The following HUNK variants were observed in gnomAD, a reference collection of about 807,000 sequenced individuals.
HUNK encodes the protein hormonally up-regulated Neu-associated kinase.
Under a neutral mutation model 61.0 loss-of-function variants are expected in HUNK, and 21 were observed. The ratio of observed to expected loss-of-function variants is 0.34; its 90% CI spans 0.24 to 0.50. HUNK has a LOEUF of 0.50. HUNK is among the 20% of genes least tolerant of loss of function. The probability of loss-of-function intolerance (pLI) is 0.98; values close to 1 mark genes in which losing one functional copy is unlikely to be tolerated. For missense variants in HUNK, 772 were observed against 945.7 expected, an observed-to-expected ratio of 0.82 and a Z score of 2.41; for synonymous variants, 371 against 386.1, an observed-to-expected ratio of 0.96 and a Z score of 0.46.
intron 1 of HUNK, among the ~76,000 whole-genome samples, chr21:31,900,597 A>C (rs2052459410): frequency 6.6e-6 from 1 of 152,116 alleles, no homozygotes; most frequent in Non-Finnish European, 1.5e-5. Context: ...TCATGGTCCA[A>C]AGGTCTCCTC....
Position 32,001,524 on chromosome 21 carries a change from G to C in HUNK, c.*2340G>C, listed in dbSNP as rs2053245874. The C allele has an allele frequency of 6.6e-6, 1 of 152,540 alleles. No individual in the cohort carries two copies. Among genetic ancestry groups the C allele is most frequent in the South Asian group, 2.1e-4 (1 of 4,830 alleles). 9.4% of individuals were successfully genotyped at this position (152,540 alleles called of 1,614,324 possible). A position where few individuals can be genotyped will look rare whatever the true frequency, so the allele number is the denominator to read the frequency against. On this transcript the variant is annotated 3_prime_UTR_variant, in exon 11 of 11. Coordinates refer to ENST00000270112, the MANE Select transcript of HUNK (RefSeq NM_014586.2). ...GAGAACGTGCTTCTTATTCCTGGCAGGCTTCAAGAACAGCTGCACATGTGC... is the reference window on the plus strand; with the variant it reads ...GAGAACGTGCTTCTTATTCCTGGCACGCTTCAAGAACAGCTGCACATGTGC...
chr21:31,987,050 C>T (rs1353109463), intron 8 of HUNK, among the ~76,000 whole-genome samples: 1 of 152,124 alleles, frequency 6.6e-6, no homozygotes, highest in East Asian at 1.9e-4. Flanking sequence ...TGTAGGTGCT[C>T]AATAAATATT....
chr21:31,980,708 C>G (rs1321133419), intron 7 of HUNK, among the ~76,000 whole-genome samples: 1 of 149,870 alleles, frequency 6.7e-6, no homozygotes, highest in Admixed American at 6.6e-5. Context: ...GGGCCTAAGT[C>G]TTTTTTTCTT....
intron 1 of HUNK, among the ~76,000 whole-genome samples, chr21:31,919,141 C>G (rs185231905): frequency 1.4e-5 from 1 of 70,094 alleles, no homozygotes; most frequent in Non-Finnish European, 2.7e-5. Context: ...CTGGACTGAG[C>G]GGTATGAGGA....
At chr21:31,987,973 TC>T (rs2053145490) in intron 8 of HUNK, among the ~76,000 whole-genome samples, 1 of 152,204 alleles carries the variant, frequency 6.6e-6, no homozygotes, top group African/African-American at 2.4e-5. Flanking sequence ...TCAACCCGTG[TC>T]CCGGGCACTG....
At chr21:31,972,714 C>T (rs1358360894) in intron 6 of HUNK, among the ~76,000 whole-genome samples, 1 of 152,194 alleles carries the variant, frequency 6.6e-6, no homozygotes, top group African/African-American at 2.4e-5. Flanking sequence ...AGTAATCGTG[C>T]CAATCCCTCT....
intron 9 of HUNK, among the ~76,000 whole-genome samples, chr21:31,993,955 C>T (rs2053187003): frequency 6.6e-6 from 1 of 152,142 alleles, no homozygotes; most frequent in Non-Finnish European, 1.5e-5. Context: ...GCTGCAGGCT[C>T]TGAGAGTGTG....
intron 2 of HUNK, among the ~76,000 whole-genome samples, chr21:31,927,337 C>G (rs1377528854): frequency 1.3e-5 from 2 of 148,750 alleles, no homozygotes; most frequent in African/African-American, 4.9e-5. Context: ...GCCGCCGTGC[C>G]CAGCCATGAA....
At chr21:31,955,426 GAA>G (rs375947112) in intron 4 of HUNK, among the ~76,000 whole-genome samples, 22,410 of 130,302 alleles carry the variant, frequency 0.17, 2,036 homozygotes, top group South Asian at 0.3. Context: ...CCGTCTCTAC[GAA>G]AAAAAAAAAA....
At chr21:31,921,189 G>C (rs1157448326) in intron 1 of HUNK, among the ~76,000 whole-genome samples, 3 of 143,822 alleles carry the variant, frequency 2.1e-5, no homozygotes, top group Admixed American at 2.1e-4. Context: ...AAAAGAAGGA[G>C]ACACTGCTCT....
chr21:31,973,676 T>G (rs973113045), intron 6 of HUNK, among the ~76,000 whole-genome samples: 11 of 152,116 alleles, frequency 7.2e-5, no homozygotes, highest in African/African-American at 2.7e-4. Flanking sequence ...GGTTCTTAAT[T>G]CTAGGGCTGT....
At chr21:31,955,641 T>C (rs968645030) in intron 4 of HUNK, among the ~76,000 whole-genome samples, 1 of 152,204 alleles carries the variant, frequency 6.6e-6, no homozygotes, top group African/African-American at 2.4e-5. Context: ...GTGTGTGTGG[T>C]GGAAGGTGTT....
chr21:31,974,458 A>C, intron 6 of HUNK, 97 bp from the exon 7 acceptor site: 1 of 1,128,758 alleles, frequency 8.9e-7, no homozygotes. Flanking sequence ...CAGTGAATGA[A>C]TGAGTGAATG....
intron 10 of HUNK, among the ~76,000 whole-genome samples, chr21:31,998,168 C>T (rs1300484664): frequency 6.6e-6 from 1 of 152,224 alleles, no homozygotes; most frequent in Non-Finnish European, 1.5e-5. Context: ...GTCCTCCCAC[C>T]TTGGCCTCCC....
intron 8 of HUNK, among the ~76,000 whole-genome samples, chr21:31,988,401 G>A (rs1430711625): frequency 6.6e-6 from 1 of 152,184 alleles, no homozygotes; most frequent in Non-Finnish European, 1.5e-5. Flanking sequence ...CAATGACAAA[G>A]TAATGTTGGC....
intron 1 of HUNK, among the ~76,000 whole-genome samples, chr21:31,891,364 G>A (rs2052386582): frequency 1.3e-5 from 2 of 152,226 alleles, no homozygotes; most frequent in South Asian, 2.1e-4. Flanking sequence ...GCGACAGAGT[G>A]AGACTGTGTC....
intron 5 of HUNK, among the ~76,000 whole-genome samples, chr21:31,959,233 C>T (rs930350033): frequency 2.0e-5 from 3 of 152,138 alleles, no homozygotes; most frequent in Non-Finnish European, 4.4e-5. Context: ...GCACAAAACA[C>T]GTAGATCCAA....
intron 2 of HUNK, among the ~76,000 whole-genome samples, chr21:31,925,747 A>G (rs1382996934): frequency 6.6e-6 from 1 of 152,228 alleles, no homozygotes; most frequent in Admixed American, 6.5e-5. Flanking sequence ...CAATGTTGCC[A>G]TTGGTAGTGG....
At chr21:31,978,234 C>A (rs1181823399) in intron 7 of HUNK, among the ~76,000 whole-genome samples, 2 of 152,060 alleles carry the variant, frequency 1.3e-5, no homozygotes, top group Non-Finnish European at 2.9e-5. Context: ...TTATCCTGTA[C>A]AACATGATGC....
Sources: gnomAD v4.1 joint callset for allele counts (sites outside exome capture counted in the v4.1 genomes callset) on GRCh38, gnomAD v4.1.1 for gene constraint, MANE v1.5 for transcripts, NCBI Gene and HGNC (gene_info 2026-07-23, HGNC 2026-07-21) for gene names.